USP30: variants seen among roughly 807,000 people sequenced by gnomAD.
USP30 encodes the protein ubiquitin carboxyl-terminal hydrolase 30.
A neutral mutation model predicts 68.2 loss-of-function variants in USP30; 41 were observed. The ratio of observed to expected loss-of-function variants is 0.60; its 90% CI spans 0.47 to 0.78. The LOEUF (loss-of-function observed/expected upper bound fraction) is 0.78. Among genes scored for constraint, USP30 ranks in the 30% least tolerant of loss-of-function variants. USP30 has a pLI of 0.00. For synonymous variants in USP30, 229 were observed against 253.7 expected, an observed-to-expected ratio of 0.90 and a Z score of 0.93; for missense variants, 522 against 649.4, an observed-to-expected ratio of 0.80 and a Z score of 2.13.
chr12:109,043,517 A>G (rs1378595549), intron 3 of USP30, among the ~76,000 whole-genome samples: 2 of 152,214 alleles, frequency 1.3e-5, no homozygotes, highest in East Asian at 3.8e-4. Flanking sequence ...GGAAAACTGG[A>G]TATCTATGTG....
At chr12:109,075,437 G>A (rs997081400) in intron 7 of USP30, among the ~76,000 whole-genome samples, 1 of 151,958 alleles carries the variant, frequency 6.6e-6, no homozygotes, top group Non-Finnish European at 1.5e-5. Flanking sequence ...TGCAACCTCC[G>A]TCTCTTGGGT....
intron 3 of USP30, among the ~76,000 whole-genome samples, chr12:109,038,913 T>C (rs2040542028): frequency 6.6e-6 from 1 of 152,200 alleles, no homozygotes; most frequent in Non-Finnish European, 1.5e-5. Context: ...ATATACTGTA[T>C]TGTGAAGTAT....
chr12:109,084,114 G>GCA (rs1325082798), intron 11 of USP30, among the ~76,000 whole-genome samples: 1 of 152,166 alleles, frequency 6.6e-6, no homozygotes, highest in Non-Finnish European at 1.5e-5. Flanking sequence ...TGCAATCCCA[G>GCA]CACTTTGGGA....
chr12:109,052,959 A>G (rs2040716635), intron 1 of USP30, 198 bp downstream of exon 1: 1 of 469,474 alleles, frequency 2.1e-6, no homozygotes, highest in Non-Finnish European at 3.6e-6. Context: ...GGCAACACCA[A>G]TTCTGTCTGC....
Position 109,086,039 on chromosome 12 carries a change from C to T in USP30, c.*108C>T. The T allele has an allele frequency of 6.9e-7, 1 of 1,449,028 alleles. No homozygotes were observed. The highest frequency in any genetic ancestry group is 1.4e-5 in the South Asian group (1 of 70,886). The allele number at this position is 1,449,028 out of a possible 1,614,324, so 89.8% of individuals were successfully genotyped here. ...AGCGGCCCCACTAGAGCCTTCCAGCCTTCTGGTGTGTTCTAAGAGCAGGCT... is the reference window on the plus strand; with the variant it reads ...AGCGGCCCCACTAGAGCCTTCCAGCTTTCTGGTGTGTTCTAAGAGCAGGCT... On this transcript the variant is annotated 3_prime_UTR_variant, in exon 13 of 13. Transcript: ENST00000257548.
At chr12:109,082,335 C>A (rs73195460) in intron 9 of USP30, among the ~76,000 whole-genome samples, 4 of 152,316 alleles carry the variant, frequency 2.6e-5, no homozygotes, top group Non-Finnish European at 4.4e-5. Context: ...CTGCCTGACT[C>A]CCCTAAGTAA....
intron 3 of USP30, among the ~76,000 whole-genome samples, chr12:109,061,310 G>C (rs139925498): frequency 3.3e-5 from 5 of 151,732 alleles, no homozygotes; most frequent in Admixed American, 2.6e-4. Flanking sequence ...CCAGTGCTGG[G>C]AGCCAGAGCC....
intron 3 of USP30, among the ~76,000 whole-genome samples, chr12:109,032,854 C>A (rs1276448618): frequency 6.6e-6 from 1 of 152,176 alleles, no homozygotes; most frequent in East Asian, 1.9e-4. Flanking sequence ...ATGCCAAAAG[C>A]CAGATGGGTT....
At chr12:109,065,468 C>T (rs370944335) in intron 3 of USP30, among the ~76,000 whole-genome samples, 2 of 152,180 alleles carry the variant, frequency 1.3e-5, no homozygotes. Flanking sequence ...AGTGTGAAGG[C>T]GGCTGTCTGG....
At chr12:109,030,671 C>T (rs534469871) in intron 3 of USP30, among the ~76,000 whole-genome samples, 1 of 152,332 alleles carries the variant, frequency 6.6e-6, no homozygotes, top group East Asian at 1.9e-4. Context: ...GGCTGGAGTG[C>T]AGTGGCGCTA....
chr12:109,046,186 C>T (rs1473300921), intron 3 of USP30, among the ~76,000 whole-genome samples: 2 of 150,376 alleles, frequency 1.3e-5, no homozygotes, highest in Admixed American at 6.7e-5. Context: ...CTGGAACCTC[C>T]GCCCCCCCGG....
chr12:109,038,291 G>A (rs1367805687), intron 3 of USP30, among the ~76,000 whole-genome samples: 2 of 148,030 alleles, frequency 1.4e-5, no homozygotes, highest in African/African-American at 5.0e-5. Flanking sequence ...TTTGATTTCT[G>A]TTCCTGGATC....
chr12:109,025,498 G>A (rs965849004), intron 2 of USP30, among the ~76,000 whole-genome samples: 1 of 151,938 alleles, frequency 6.6e-6, no homozygotes, highest in Non-Finnish European at 1.5e-5. Context: ...GCCTATGAAG[G>A]ATAAGAAAAA....
intron 2 of USP30, chr12:109,027,388 T>C (rs554419581): frequency 6.6e-6 from 1 of 152,308 alleles, no homozygotes; most frequent in African/African-American, 2.4e-5. Flanking sequence ...TCCTCCCACC[T>C]CAGCCACTGG....
chr12:109,033,862 G>A (rs555954364), intron 3 of USP30, among the ~76,000 whole-genome samples: 2 of 152,160 alleles, frequency 1.3e-5, no homozygotes, highest in Non-Finnish European at 2.9e-5. Context: ...GGGTCACATA[G>A]CTCATCCCTC....
Position 109,058,059 on chromosome 12 carries a change from G to A in USP30, c.327G>A (p.Glu109=). Residue 109 remains glutamate (E), a synonymous_variant, in exon 3 of 13, where the codon GAG becomes GAA. Transcript: ENST00000257548. Reference sequence around the variant, plus strand: ...CCCAGTACTCCAGGGATCAGAAGGAGCCCCCCTCACACCAGTATTTATCCT... The same window carrying A: ...CCCAGTACTCCAGGGATCAGAAGGAACCCCCCTCACACCAGTATTTATCCT... ...FTSQYSRDQK[E]PPSHQYLSLT... is the part of the protein sequence containing the mutation. 1 of 1,614,048 alleles carries A rather than the reference G, an allele frequency of 6.2e-7. No homozygotes were observed. Among genetic ancestry groups the A allele is most frequent in the Non-Finnish European group, 8.5e-7 (1 of 1,179,990 alleles).
In USP30 at chr12:109,081,308, T is replaced by C. The variant is rs532153727; in HGVS notation, c.721-26T>C. 132 of 1,613,322 alleles carry C rather than the reference T, an allele frequency of 8.2e-5. 2 individuals carry two copies. In the South Asian group the frequency reaches 1.4e-3, roughly 17 times the overall value. ...CTTTGAACTAAGCCTAAATCGTTTC[T>C]GGATTTTCTGCAATATTTCTTTCAG... On this transcript the variant is annotated intron_variant, in intron 7 of 12. Coordinates refer to ENST00000257548, the MANE Select transcript of USP30 (RefSeq NM_032663.5).
chr12:109,080,914 G>C (rs911926387), intron 7 of USP30, among the ~76,000 whole-genome samples: 2 of 152,220 alleles, frequency 1.3e-5, no homozygotes, highest in African/African-American at 4.8e-5. Context: ...CTAGGTTCTT[G>C]TAAGCGCGCT....
Position 109,086,049 on chromosome 12 carries a change from G to A in USP30, c.*118G>A, listed in dbSNP as rs997406533. 8.4e-6 allele frequency: 12 copies of A among 1,421,110 alleles called. No individual in the cohort carries two copies. Among genetic ancestry groups the A allele is most frequent in the Admixed American group, 2.5e-5 (1 of 39,864 alleles). 88.0% of individuals were successfully genotyped at this position (1,421,110 alleles called of 1,614,324 possible). On this transcript the variant is annotated 3_prime_UTR_variant, in exon 13 of 13. Transcript: ENST00000257548. ...CTAGAGCCTTCCAGCCTTCTGGTGT[G>A]TTCTAAGAGCAGGCTCCACCTGGGA...
Sources: gnomAD v4.1 joint callset for allele counts (sites outside exome capture counted in the v4.1 genomes callset) on GRCh38, gnomAD v4.1.1 for gene constraint, MANE v1.5 for transcripts, NCBI Gene and HGNC (gene_info 2026-07-23, HGNC 2026-07-21) for gene names.